Variants in GALNT13 observed in about 807,000 individuals in gnomAD.
GALNT13 encodes polypeptide N-acetylgalactosaminyltransferase 13, also known as UDP-GalNAc:polypeptide N-acetylgalactosaminyltransferase 13.
In GALNT13, 28 loss-of-function variants were observed where a neutral mutation model predicts 64.2. The ratio of observed to expected loss-of-function variants is 0.44; its 90% confidence interval spans 0.32 to 0.60. The LOEUF (loss-of-function observed/expected upper bound fraction) is 0.60. GALNT13 is among the 20% of genes least tolerant of loss of function. GALNT13 has a pLI of 0.05. For synonymous variants in GALNT13, 214 were observed against 224.6 expected (o/e 0.95, Z 0.42); for missense variants, 577 against 669.8 (o/e 0.86, Z 1.53).
At chr2:153,907,125 C>A (rs984563933) in intron 2 of GALNT13, among the ~76,000 whole-genome samples, 18 of 151,610 alleles carry the variant, frequency 1.2e-4, no homozygotes, top group Non-Finnish European at 1.2e-4. Flanking sequence ...TGTTTGAGTT[C>A]ATTGTAGATT....
intron 4 of GALNT13, among the ~76,000 whole-genome samples, chr2:154,235,038 A>G (rs1044166392): frequency 1.3e-5 from 2 of 152,266 alleles, no homozygotes; most frequent in Admixed American, 1.3e-4. Flanking sequence ...TATTTTGTCC[A>G]GCACCGCTAT....
the GALNT13 span, among the ~76,000 whole-genome samples, chr2:153,580,503 G>T: frequency 6.6e-6 from 1 of 152,096 alleles, no homozygotes; most frequent in Non-Finnish European, 1.5e-5. Context: ...AGACAATGCA[G>T]TATGAGAAAT....
At chr2:153,149,699 C>G in the GALNT13 span, among the ~76,000 whole-genome samples, 3 of 151,762 alleles carry the variant, frequency 2.0e-5, no homozygotes, top group Non-Finnish European at 2.9e-5. Context: ...GTATTTATTA[C>G]CACAGCATAG....
At chr2:153,386,708 T>C in the GALNT13 span, among the ~76,000 whole-genome samples, 5 of 152,200 alleles carry the variant, frequency 3.3e-5, no homozygotes, top group Non-Finnish European at 5.9e-5. Context: ...CAATAAGTTA[T>C]GCACCCCTCT....
chr2:154,204,065 C>T (rs1039017215), intron 4 of GALNT13, among the ~76,000 whole-genome samples: 18 of 152,148 alleles, frequency 1.2e-4, no homozygotes, highest in African/African-American at 4.3e-4. Flanking sequence ...GATCCAAACA[C>T]ACAGGCCATA....
the GALNT13 span, among the ~76,000 whole-genome samples, chr2:153,685,418 G>A: frequency 2.0e-5 from 3 of 152,022 alleles, no homozygotes; most frequent in African/African-American, 7.2e-5. Context: ...AATGATCAGT[G>A]AAGTTGAGGT....
At chr2:153,523,480 C>A in the GALNT13 span, among the ~76,000 whole-genome samples, 2 of 152,106 alleles carry the variant, frequency 1.3e-5, no homozygotes, top group African/African-American at 4.8e-5. Flanking sequence ...TAATTTAGTT[C>A]TTTGCTTTCT....
At chr2:153,071,045 T>G in the GALNT13 span, among the ~76,000 whole-genome samples, 1 of 152,174 alleles carries the variant, frequency 6.6e-6, no homozygotes, top group African/African-American at 2.4e-5. Flanking sequence ...ATAACCACAG[T>G]TAAACATCCA....
intron 4 of GALNT13, among the ~76,000 whole-genome samples, chr2:154,151,840 G>T (rs1316844945): frequency 6.6e-6 from 1 of 152,070 alleles, no homozygotes; most frequent in Non-Finnish European, 1.5e-5. Flanking sequence ...ATGTGAGATG[G>T]GTTTCCTGAA....
chr2:153,178,950 C>T, the GALNT13 span, among the ~76,000 whole-genome samples: 1 of 151,672 alleles, frequency 6.6e-6, no homozygotes, highest in African/African-American at 2.4e-5. Flanking sequence ...ACCATGTTGG[C>T]CAGGCTGGTC....
intron 3 of GALNT13, among the ~76,000 whole-genome samples, chr2:153,952,323 A>G (rs922206275): frequency 6.6e-6 from 1 of 152,166 alleles, no homozygotes; most frequent in Non-Finnish European, 1.5e-5. Context: ...AGGCAAGTAG[A>G]TTAATCTCTC....
At chr2:153,114,285 C>T in the GALNT13 span, among the ~76,000 whole-genome samples, 17 of 152,230 alleles carry the variant, frequency 1.1e-4, no homozygotes, top group East Asian at 2.5e-3. Flanking sequence ...TTAGCTTTTT[C>T]TCTCCCTGAG....
intron 9 of GALNT13, among the ~76,000 whole-genome samples, chr2:154,342,094 C>T (rs930231095): frequency 2.0e-5 from 3 of 151,868 alleles, no homozygotes; most frequent in Non-Finnish European, 4.4e-5. Flanking sequence ...GAGATGTATT[C>T]ATATAATAAA....
intron 4 of GALNT13, among the ~76,000 whole-genome samples, chr2:154,229,037 C>G (rs1358557996): frequency 6.6e-6 from 1 of 151,960 alleles, no homozygotes; most frequent in Non-Finnish European, 1.5e-5. Flanking sequence ...TTGCTGTATA[C>G]CCGGGGCAAG....
the GALNT13 span, among the ~76,000 whole-genome samples, chr2:153,093,804 C>T: frequency 6.6e-6 from 1 of 152,000 alleles, no homozygotes; most frequent in African/African-American, 2.4e-5. Flanking sequence ...AGCATCAGGT[C>T]CTGGGCCTTT....
At chr2:153,334,729 G>C in the GALNT13 span, among the ~76,000 whole-genome samples, 1 of 152,122 alleles carries the variant, frequency 6.6e-6, no homozygotes. Context: ...AAATGTGATA[G>C]TCTGTCTGAA....
the GALNT13 span, among the ~76,000 whole-genome samples, chr2:153,783,714 T>C: frequency 6.6e-6 from 1 of 152,152 alleles, no homozygotes; most frequent in Admixed American, 6.5e-5. Flanking sequence ...ACTGTTCTCA[T>C]AGTGCGTGAG....
the GALNT13 span, among the ~76,000 whole-genome samples, chr2:153,662,867 C>T: frequency 6.6e-6 from 1 of 152,156 alleles, no homozygotes; most frequent in African/African-American, 2.4e-5. Context: ...CTCTCAATTT[C>T]TGTGCACAGC....
the GALNT13 span, among the ~76,000 whole-genome samples, chr2:153,702,609 T>C: frequency 6.6e-6 from 1 of 152,042 alleles, no homozygotes; most frequent in East Asian, 1.9e-4. Context: ...ATGTGGTATA[T>C]GGGAGAAAAA....
Sources: allele counts gnomAD v4.1 joint callset (sites outside exome capture counted in the v4.1 genomes callset), GRCh38; gene constraint gnomAD v4.1.1; transcripts MANE v1.5; gene names NCBI Gene and HGNC (gene_info 2026-07-23, HGNC 2026-07-21).